NFX1: variants seen among roughly 807,000 people sequenced by gnomAD.
NFX1 encodes nuclear transcription factor, X-box binding 1.
NFX1 carries 69 observed loss-of-function variants against 137.2 expected under a neutral mutation model. The observed-to-expected ratio is 0.50, with a 90% CI of 0.41 to 0.61. The LOEUF (loss-of-function observed/expected upper bound fraction) is 0.61. Ranked by LOEUF, NFX1 falls within the 20% of genes least tolerant of loss-of-function variation. The probability of loss-of-function intolerance (pLI) is 0.00; values close to 1 mark genes in which losing one functional copy is unlikely to be tolerated. For synonymous variants in NFX1, 495 were observed against 474.1 expected (o/e 1.04, Z -0.57); for missense variants, 1,167 against 1,391.0 (o/e 0.84, Z 2.56).
chr9:33,359,492 A>C (rs1209317135), intron 19 of NFX1, among the ~76,000 whole-genome samples: 3 of 152,072 alleles, frequency 2.0e-5, no homozygotes, highest in African/African-American at 4.8e-5. Flanking sequence ...CCAGCTACTC[A>C]GGAGGCTAAG....
chr9:33,310,684 G>A (rs115134921), intron 5 of NFX1, among the ~76,000 whole-genome samples: 1,536 of 152,148 alleles, frequency 0.01, 19 homozygotes, highest in African/African-American at 0.035. Flanking sequence ...TACTTCTTAC[G>A]GACCAGGTAG....
At chr9:33,296,812 T>G (rs2118185331) in intron 2 of NFX1, among the ~76,000 whole-genome samples, 1 of 152,370 alleles carries the variant, frequency 6.6e-6, no homozygotes, top group Non-Finnish European at 1.5e-5. Flanking sequence ...GCCCTCACGC[T>G]TATGTCTTTC....
chr9:33,343,272 G>T (rs1823294777), intron 13 of NFX1, among the ~76,000 whole-genome samples: 1 of 151,944 alleles, frequency 6.6e-6, no homozygotes, highest in South Asian at 2.1e-4. Context: ...TACCATATTA[G>T]AAATTAAAAC....
chr9:33,368,594 T>A (rs1167824723), intron 23 of NFX1, among the ~76,000 whole-genome samples: 2 of 152,138 alleles, frequency 1.3e-5, no homozygotes, highest in East Asian at 3.9e-4. Context: ...GAAGGCAGGA[T>A]GGTGCTCCTT....
intron 12 of NFX1, among the ~76,000 whole-genome samples, chr9:33,339,391 A>C (rs961419961): frequency 1.3e-5 from 2 of 152,180 alleles, no homozygotes; most frequent in African/African-American, 2.4e-5. Context: ...ATCAGATCTC[A>C]TGAGACTTAT....
At chr9:33,341,304 T>C (rs959818846) in intron 12 of NFX1, among the ~76,000 whole-genome samples, 1 of 152,084 alleles carries the variant, frequency 6.6e-6, no homozygotes, top group African/African-American at 2.4e-5. Flanking sequence ...CTCGGCCTTA[T>C]AAAGCCATTA....
At chr9:33,329,003 C>T (rs1331198913) in intron 10 of NFX1, among the ~76,000 whole-genome samples, 1 of 152,200 alleles carries the variant, frequency 6.6e-6, no homozygotes, top group Non-Finnish European at 1.5e-5. Context: ...CTAAGACCAC[C>T]TGCGAGGCTT....
At chr9:33,309,658 C>T (rs753209207) in intron 5 of NFX1, among the ~76,000 whole-genome samples, 12 of 152,284 alleles carry the variant, frequency 7.9e-5, no homozygotes, top group Middle Eastern at 6.8e-3. Flanking sequence ...GACAGGGTCT[C>T]GCTCTGTTGC....
At chr9:33,356,652 T>C (rs948227802) in intron 19 of NFX1, among the ~76,000 whole-genome samples, 5 of 152,188 alleles carry the variant, frequency 3.3e-5, no homozygotes, top group Admixed American at 2.6e-4. Context: ...AATCTACAGT[T>C]GACCTGTACT....
intron 5 of NFX1, among the ~76,000 whole-genome samples, chr9:33,308,733 A>T (rs903190802): frequency 2.6e-5 from 4 of 152,198 alleles, no homozygotes. Flanking sequence ...CTCGATATAG[A>T]GTCTTTCTGG....
At chr9:33,302,562 C>T (rs1564104110) in intron 3 of NFX1, among the ~76,000 whole-genome samples, 2 of 151,306 alleles carry the variant, frequency 1.3e-5, no homozygotes, top group Non-Finnish European at 2.9e-5. Context: ...TGCTGTGTTG[C>T]CCAGTCTTGT....
At chr9:33,343,671 C>G (rs970999811) in intron 13 of NFX1, among the ~76,000 whole-genome samples, 9 of 152,004 alleles carry the variant, frequency 5.9e-5, no homozygotes, top group Admixed American at 6.6e-5. Context: ...ATCTTTTTAC[C>G]CGTGCATGAT....
intron 1 of NFX1, among the ~76,000 whole-genome samples, chr9:33,291,152 C>T (rs547677987): frequency 1.3e-5 from 2 of 152,216 alleles, no homozygotes; most frequent in South Asian, 2.1e-4. Context: ...TTCACTCACT[C>T]CCCCTCCTGG....
In NFX1 at chr9:33,351,556, C is replaced by G; in HGVS notation, c.2425-4C>G. On this transcript the variant is annotated splice_region_variant and splice_polypyrimidine_tract_variant and intron_variant, in intron 15 of 23. Coordinates refer to ENST00000379540, the MANE Select transcript of NFX1 (RefSeq NM_002504.6). ...GAGAATCTGGCTACTTCTGTCTCTC[C>G]TAGTTTCGGAGCAACATCCCCTGTC... The G allele has an allele frequency of 1.2e-6, 2 of 1,614,010 alleles. No homozygotes were observed. The highest frequency in any genetic ancestry group is 8.5e-7 in the Non-Finnish European group (1 of 1,179,872).
intron 19 of NFX1, among the ~76,000 whole-genome samples, chr9:33,357,444 T>C (rs1183061098): frequency 6.6e-6 from 1 of 152,188 alleles, no homozygotes; most frequent in Non-Finnish European, 1.5e-5. Context: ...TCTGGTAGTA[T>C]ATATCCTCAA....
chr9:33,366,505 C>T (rs1824173385), intron 21 of NFX1, 124 bp from the exon 22 acceptor site: 3 of 1,156,518 alleles, frequency 2.6e-6, no homozygotes, highest in South Asian at 2.9e-5. Context: ...GTAAAATGCT[C>T]TATGCTGTGG....
chr9:33,290,584 G>A lies in NFX1; in HGVS notation c.12G>A (p.Ala4=), dbSNP rs1821119015. 6.2e-7 allele frequency: 1 copy of A among 1,613,648 alleles called. No homozygotes were observed. The highest frequency in any genetic ancestry group is 1.3e-5 in the African/African-American group (1 of 74,944). Residue 4 remains alanine (A), a synonymous_variant, in exon 1 of 24, where the codon GCG becomes GCA. Coordinates refer to ENST00000379540, the MANE Select transcript of NFX1 (RefSeq NM_002504.6). ...TTCTGCGGCACGGGATGGCGGAGGC[G>A]CCTCCTGTCTCAGGTATTGTCCCGG... MAE[A]PPVSGTFKFN...
At chr9:33,339,726 A>G (rs183364583) in intron 12 of NFX1, among the ~76,000 whole-genome samples, 4 of 152,350 alleles carry the variant, frequency 2.6e-5, no homozygotes, top group African/African-American at 9.6e-5. Flanking sequence ...CCTAGGTCCA[A>G]TGGGAGTACA....
chr9:33,342,509 A>G (rs950690857), intron 12 of NFX1, among the ~76,000 whole-genome samples: 3 of 152,218 alleles, frequency 2.0e-5, no homozygotes, highest in Non-Finnish European at 2.9e-5. Flanking sequence ...CAGAGAGACT[A>G]CTAGTATAGA....
Sources: gnomAD v4.1 joint callset for allele counts (sites outside exome capture counted in the v4.1 genomes callset) on GRCh38, gnomAD v4.1.1 for gene constraint, MANE v1.5 for transcripts, NCBI Gene and HGNC (gene_info 2026-07-23, HGNC 2026-07-21) for gene names.